Variants in DTNA observed in about 807,000 individuals in gnomAD.
The protein encoded by DTNA is dystrophin-related protein 3.
In DTNA, 43 loss-of-function variants were observed where a neutral mutation model predicts 100.7. The observed-to-expected ratio is 0.43, with a 90% confidence interval of 0.33 to 0.55. DTNA has a LOEUF of 0.55. Among genes scored for constraint, DTNA ranks in the 20% least tolerant of loss-of-function variants. The pLI is 0.04. For missense variants in DTNA, 798 were observed against 953.9 expected (o/e 0.84, Z 2.15); for synonymous variants, 349 against 347.9 (o/e 1.00, Z -0.04).
intron 1 of DTNA, among the ~76,000 whole-genome samples, chr18:34,645,044 A>T (rs1216011971): frequency 6.6e-6 from 1 of 152,140 alleles, no homozygotes; most frequent in African/African-American, 2.4e-5. Context: ...GATCGTAATG[A>T]TCACTTTAAC....
At chr18:34,729,425 G>A (rs45556134) in intron 1 of DTNA, among the ~76,000 whole-genome samples, 13,978 of 152,228 alleles carry the variant, frequency 0.092, 685 homozygotes, top group African/African-American at 0.12. Flanking sequence ...GTGAGAAATG[G>A]CACAGGGGCA....
chr18:34,552,229 G>A (rs960372448), intron 1 of DTNA, among the ~76,000 whole-genome samples: 22 of 151,990 alleles, frequency 1.4e-4, no homozygotes, highest in Admixed American at 6.5e-4. Context: ...TCTTTTGAAA[G>A]GTGCATTTAA....
At chr18:34,632,342 A>C (rs902403372) in intron 1 of DTNA, among the ~76,000 whole-genome samples, 1 of 152,190 alleles carries the variant, frequency 6.6e-6, no homozygotes, top group African/African-American at 2.4e-5. Flanking sequence ...AGGATCATTT[A>C]GCAAGCAAGT....
At chr18:34,844,815 C>T (rs1407557077) in intron 13 of DTNA, among the ~76,000 whole-genome samples, 1 of 152,118 alleles carries the variant, frequency 6.6e-6, no homozygotes, top group East Asian at 1.9e-4. Context: ...ACCGTGAGTT[C>T]CCAAAAATCT....
At chr18:34,597,708 G>T (rs1365808150) in intron 1 of DTNA, among the ~76,000 whole-genome samples, 1 of 152,024 alleles carries the variant, frequency 6.6e-6, no homozygotes, top group Non-Finnish European at 1.5e-5. Flanking sequence ...CACATACAAT[G>T]GCTGCCTCCA....
intron 3 of DTNA, among the ~76,000 whole-genome samples, chr18:34,785,180 C>T (rs1387775316): frequency 1.3e-5 from 2 of 152,014 alleles, no homozygotes; most frequent in East Asian, 3.9e-4. Flanking sequence ...CCCAAAGTGC[C>T]AGGATTATAG....
intron 11 of DTNA, among the ~76,000 whole-genome samples, chr18:34,830,168 C>G (rs759503585): frequency 6.6e-6 from 1 of 151,858 alleles, no homozygotes; most frequent in Non-Finnish European, 1.5e-5. Flanking sequence ...GAAACAGAAC[C>G]AAAGAAATAT....
chr18:34,572,711 A>AGGTATATACTCCTAGG (rs2047711408), intron 1 of DTNA, among the ~76,000 whole-genome samples: 1 of 152,100 alleles, frequency 6.6e-6, no homozygotes, highest in African/African-American at 2.4e-5. Flanking sequence ...TTCTACTATT[A>AGGTATATACTCCTAGG]GGTGCCTAGG....
chr18:34,680,752 A>G (rs2077989249), intron 1 of DTNA, among the ~76,000 whole-genome samples: 1 of 152,198 alleles, frequency 6.6e-6, no homozygotes, highest in South Asian at 2.1e-4. Context: ...CAAAAATACC[A>G]GTAAATCAAT....
intron 11 of DTNA, among the ~76,000 whole-genome samples, chr18:34,833,891 T>C (rs948319421): frequency 1.3e-5 from 2 of 152,206 alleles, no homozygotes; most frequent in African/African-American, 4.8e-5. Flanking sequence ...GAAGCAGCTT[T>C]AATGAAGCTC....
At chr18:34,774,234 G>A (rs145877682) in intron 3 of DTNA, among the ~76,000 whole-genome samples, 1 of 152,364 alleles carries the variant, frequency 6.6e-6, no homozygotes, top group Non-Finnish European at 1.5e-5. Flanking sequence ...TCCCCTGGTG[G>A]CCTGCCAAGC....
At chr18:34,776,374 C>T (rs982395085) in intron 3 of DTNA, among the ~76,000 whole-genome samples, 1 of 152,156 alleles carries the variant, frequency 6.6e-6, no homozygotes, top group African/African-American at 2.4e-5. Context: ...TACTCTGTCG[C>T]CCAGGCTGGA....
At chr18:34,756,796 C>G (rs2092804092) in intron 2 of DTNA, among the ~76,000 whole-genome samples, 1 of 152,088 alleles carries the variant, frequency 6.6e-6, no homozygotes, top group African/African-American at 2.4e-5. Flanking sequence ...AAGAACTTGA[C>G]ATTAGGGAGA....
intron 1 of DTNA, among the ~76,000 whole-genome samples, chr18:34,712,854 C>A (rs79594759): frequency 0.035 from 5,320 of 152,126 alleles, 293 homozygotes; most frequent in African/African-American, 0.12. Context: ...AGATATTTAA[C>A]AGTTTTTTAA....
intron 1 of DTNA, among the ~76,000 whole-genome samples, chr18:34,733,242 G>A (rs987681689): frequency 2.0e-5 from 3 of 152,192 alleles, no homozygotes; most frequent in African/African-American, 7.2e-5. Flanking sequence ...TTCTGGGTCT[G>A]CAAACTGGCT....
intron 9 of DTNA, chr18:34,825,346 C>A (rs144390161): frequency 8.2e-6 from 13 of 1,589,054 alleles, no homozygotes; most frequent in African/African-American, 1.3e-5. Flanking sequence ...GGATGAGACA[C>A]AAAACAAGTG....
At chr18:34,569,089 C>T (rs2047341795) in intron 1 of DTNA, among the ~76,000 whole-genome samples, 1 of 152,128 alleles carries the variant, frequency 6.6e-6, no homozygotes, top group South Asian at 2.1e-4. Context: ...AAATTGTGCC[C>T]CTACCTTCTG....
intron 1 of DTNA, among the ~76,000 whole-genome samples, chr18:34,691,867 C>T (rs2079820531): frequency 6.6e-6 from 1 of 152,358 alleles, no homozygotes; most frequent in Admixed American, 6.5e-5. Context: ...AGCACAGCTG[C>T]TGCTGTTACC....
intron 4 of DTNA, among the ~76,000 whole-genome samples, chr18:34,795,806 G>A (rs1468638451): frequency 3.9e-5 from 6 of 152,166 alleles, no homozygotes; most frequent in African/African-American, 1.4e-4. Flanking sequence ...CTAACAATAA[G>A]GAAGGGGGTA....
Sources: gnomAD v4.1 joint callset for allele counts (sites outside exome capture counted in the v4.1 genomes callset) on GRCh38, gnomAD v4.1.1 for gene constraint, MANE v1.5 for transcripts, NCBI Gene and HGNC (gene_info 2026-07-23, HGNC 2026-07-21) for gene names.